Variants in SLC35F1 observed in about 807,000 individuals in gnomAD.
SLC35F1 encodes solute carrier family 35 member F1.
A neutral mutation model predicts 48.7 loss-of-function variants in SLC35F1; 14 were observed. That is an observed-to-expected ratio of 0.29 (90% CI 0.19 to 0.45). The LOEUF (loss-of-function observed/expected upper bound fraction) is 0.45, where lower values mean the gene tolerates loss of function less well. Among genes scored for constraint, SLC35F1 ranks in the 20% least tolerant of loss-of-function variants. SLC35F1 has a pLI of 1.00. For missense variants in SLC35F1, 404 were observed against 500.0 expected (o/e 0.81, Z 1.83); for synonymous variants, 190 against 202.2 (o/e 0.94, Z 0.51).
At chr6:118,089,091 G>T (rs147191555) in intron 1 of SLC35F1, among the ~76,000 whole-genome samples, 2 of 152,160 alleles carry the variant, frequency 1.3e-5, no homozygotes, top group African/African-American at 4.8e-5. Flanking sequence ...GGTAATGGCC[G>T]TGGAGATAGA....
chr6:117,994,763 G>A (rs1166713184), intron 1 of SLC35F1, among the ~76,000 whole-genome samples: 1 of 152,126 alleles, frequency 6.6e-6, no homozygotes, highest in Non-Finnish European at 1.5e-5. Flanking sequence ...AATTTGGTGG[G>A]TTAAATTTCA....
chr6:118,049,979 C>T (rs36157120), intron 1 of SLC35F1, among the ~76,000 whole-genome samples: 10,161 of 151,832 alleles, frequency 0.067, 476 homozygotes, highest in African/African-American at 0.12. Flanking sequence ...TGTCCAACAA[C>T]GATAGACTGG....
At chr6:118,050,181 C>T (rs2114909289) in intron 1 of SLC35F1, among the ~76,000 whole-genome samples, 1 of 151,624 alleles carries the variant, frequency 6.6e-6, no homozygotes, top group East Asian at 2.0e-4. Flanking sequence ...CACTTGGACA[C>T]AGGAAGGGGA....
At chr6:117,955,091 T>A (rs899847878) in intron 1 of SLC35F1, among the ~76,000 whole-genome samples, 5 of 152,204 alleles carry the variant, frequency 3.3e-5, no homozygotes, top group African/African-American at 1.2e-4. Flanking sequence ...GTAAGTTCTT[T>A]TTTATAGTTA....
At position 118,039,927 on chromosome 6, in the gene SLC35F1, T is replaced by C. The variant is rs143466050; in HGVS notation, c.174-114518T>C. Among the ~76,000 whole-genome samples, 241 of 152,096 alleles carry C rather than the reference T, an allele frequency of 1.6e-3. 2 individuals are homozygous for C. Among genetic ancestry groups the C allele is most frequent in the African/African-American group, 5.6e-3 (231 of 41,524 alleles). ...CTGTTATAATCTTCTGAAGAATGTT[T>C]GGTTTTAAACAACTAACTTGTTTGG... On this transcript the variant is annotated intron_variant, in intron 1 of 7. Transcript: ENST00000360388.
At chr6:117,933,057 G>A (rs981878875) in intron 1 of SLC35F1, among the ~76,000 whole-genome samples, 1 of 152,184 alleles carries the variant, frequency 6.6e-6, no homozygotes, top group Non-Finnish European at 1.5e-5. Flanking sequence ...GCATAAATCT[G>A]CACAAAGACT....
intron 1 of SLC35F1, among the ~76,000 whole-genome samples, chr6:117,985,691 C>T (rs1024913311): frequency 2.8e-4 from 43 of 152,272 alleles, no homozygotes; most frequent in African/African-American, 1.0e-3. Context: ...TACCTCTATC[C>T]ATTGACTCAT....
intron 1 of SLC35F1, among the ~76,000 whole-genome samples, chr6:117,978,388 T>C (rs1000212811): frequency 1.3e-5 from 2 of 152,196 alleles, no homozygotes; most frequent in African/African-American, 4.8e-5. Flanking sequence ...TTACCACATT[T>C]ACTTAGTGTT....
intron 2 of SLC35F1, among the ~76,000 whole-genome samples, chr6:118,166,468 G>A (rs987842340): frequency 6.6e-6 from 1 of 152,228 alleles, no homozygotes; most frequent in Non-Finnish European, 1.5e-5. Flanking sequence ...CAGCTGTGCA[G>A]TGTTAAACTC....
At chr6:118,282,464 A>G (rs1037129521) in intron 6 of SLC35F1, among the ~76,000 whole-genome samples, 1 of 152,170 alleles carries the variant, frequency 6.6e-6, no homozygotes, top group Non-Finnish European at 1.5e-5. Flanking sequence ...TGGAAGCATC[A>G]TAAGGTAGCC....
intron 2 of SLC35F1, among the ~76,000 whole-genome samples, chr6:118,194,117 T>C (rs1774770134): frequency 7.0e-6 from 1 of 143,850 alleles, no homozygotes; most frequent in South Asian, 2.2e-4. Context: ...GAAGATCCAA[T>C]AGTTGTTAAG....
rs1455153978 is a variant in SLC35F1 at position 118,314,309 on chromosome 6, T to C, written c.*57T>C. The C allele has an allele frequency of 2.0e-6, 3 of 1,489,696 alleles. No homozygotes were observed. The highest frequency in any genetic ancestry group is 2.8e-6 in the Non-Finnish European group (3 of 1,071,006). 92.3% of individuals were successfully genotyped at this position (1,489,696 alleles called of 1,614,324 possible). A position where few individuals can be genotyped will look rare whatever the true frequency, so the allele number is the denominator to read the frequency against. ...TCATTGGCCATGTTTTTGCCCATCA[T>C]CTCTGTATTGTACATAGAGAAAGGT... On this transcript the variant is annotated 3_prime_UTR_variant, in exon 8 of 8. Coordinates refer to ENST00000360388, the MANE Select transcript of SLC35F1 (RefSeq NM_001029858.4).
intron 1 of SLC35F1, among the ~76,000 whole-genome samples, chr6:118,098,960 A>T (rs532959149): frequency 6.6e-6 from 1 of 152,286 alleles, no homozygotes; most frequent in Middle Eastern, 3.4e-3. Flanking sequence ...TATAAGGTAC[A>T]TCCTCTAGGT....
At chr6:117,941,269 T>C (rs1365850396) in intron 1 of SLC35F1, among the ~76,000 whole-genome samples, 2 of 152,238 alleles carry the variant, frequency 1.3e-5, no homozygotes, top group African/African-American at 2.4e-5. Context: ...GAATCAATTA[T>C]TTTTAGTTTT....
chr6:117,985,184 T>C (rs1340797387), intron 1 of SLC35F1, among the ~76,000 whole-genome samples: 1 of 152,214 alleles, frequency 6.6e-6, no homozygotes, highest in African/African-American at 2.4e-5. Flanking sequence ...TTAATACCTA[T>C]TGATGAACTT....
At chr6:118,041,945 T>TA (rs35415493) in intron 1 of SLC35F1, among the ~76,000 whole-genome samples, 27,795 of 146,744 alleles carry the variant, frequency 0.19, 2,679 homozygotes, top group Admixed American at 0.29. Context: ...CCATCTTCTT[T>TA]AAAAAAAAAA....
Position 118,204,571 on chromosome 6 carries a change from C to T in SLC35F1, c.350-30938C>T, listed in dbSNP as rs527880744. On this transcript the variant is annotated intron_variant, in intron 2 of 7. Coordinates refer to ENST00000360388, the MANE Select transcript of SLC35F1 (RefSeq NM_001029858.4). ...TCAGGCTATTGAATCTAGCTGTGCCCTCAAAAGTGACTTACCTACTGAACA... is the reference window on the plus strand; with the variant it reads ...TCAGGCTATTGAATCTAGCTGTGCCTTCAAAAGTGACTTACCTACTGAACA... Among the ~76,000 whole-genome samples the T allele has an allele frequency of 3.5e-4, 53 of 152,230 alleles. No homozygotes were observed. In the South Asian group the frequency reaches 5.4e-3, roughly 16 times the overall value.
chr6:118,280,296 C>G (rs909905440), intron 6 of SLC35F1, among the ~76,000 whole-genome samples: 1 of 152,122 alleles, frequency 6.6e-6, no homozygotes, highest in East Asian at 1.9e-4. Flanking sequence ...CTTTACCCCA[C>G]GGGTCATACT....
intron 1 of SLC35F1, among the ~76,000 whole-genome samples, chr6:117,956,346 G>C (rs1205930090): frequency 6.6e-6 from 1 of 152,214 alleles, no homozygotes; most frequent in Non-Finnish European, 1.5e-5. Context: ...AGCAAGCCCT[G>C]ATTCTTTGCC....
Sources: gnomAD v4.1 joint callset for allele counts (sites outside exome capture counted in the v4.1 genomes callset) on GRCh38, gnomAD v4.1.1 for gene constraint, MANE v1.5 for transcripts, NCBI Gene and HGNC (gene_info 2026-07-23, HGNC 2026-07-21) for gene names.